Variants in ENPEP observed in about 807,000 individuals in gnomAD.
ENPEP encodes the protein AP-A.
In ENPEP, 103 loss-of-function variants were observed where a neutral mutation model predicts 114.5. That is an observed-to-expected ratio of 0.90 (90% confidence interval 0.77 to 1.06). The LOEUF (loss-of-function observed/expected upper bound fraction) is 1.06. Ranked by LOEUF, ENPEP falls within the 50% of genes least tolerant of loss-of-function variation. The probability of loss-of-function intolerance (pLI) is 0.00; values close to 1 mark genes in which losing one functional copy is unlikely to be tolerated. For synonymous variants in ENPEP, 420 were observed against 422.0 expected, an observed-to-expected ratio of 1.00 and a Z score of 0.06; for missense variants, 1,196 against 1,161.3, an observed-to-expected ratio of 1.03 and a Z score of -0.43.
rs959146743 is a variant in ENPEP, at chr4:110,516,421, A to G, written c.1509+979A>G. On this transcript the variant is annotated intron_variant, in intron 8 of 19. Transcript: ENST00000265162. Reference sequence around the variant, plus strand: ...CGTCTCTGCAGGTTGGCCCCATTCCAGCCTAGAAATGAAGTTCTCTTCCTA... The same window carrying G: ...CGTCTCTGCAGGTTGGCCCCATTCCGGCCTAGAAATGAAGTTCTCTTCCTA... Among the ~76,000 whole-genome samples the G allele has an allele frequency of 8.5e-5, 13 of 152,234 alleles. No individual in the cohort carries two copies. In the East Asian group the frequency reaches 2.3e-3, roughly 27 times the overall value.
intron 3 of ENPEP, 64 bp from the exon 4 acceptor site, chr4:110,506,573 C>G: frequency 6.6e-7 from 1 of 1,517,834 alleles, no homozygotes; most frequent in East Asian, 2.4e-5. Context: ...TTATGCATCA[C>G]AGTTTTTGTA....
At position 110,543,024 on chromosome 4, in the gene ENPEP, T is replaced by C; in HGVS notation, c.1954T>C (p.Ser652Pro). ...TTCTCCCTCTTCCCAGACATTTTCTTCAGCAGATCGTGCAAGTCTTATTGA... is the reference window on the plus strand; with the variant it reads ...TTCTCCCTCTTCCCAGACATTTTCTCCAGCAGATCGTGCAAGTCTTATTGA... Reference protein sequence around the residue: ...ALSLNHKTFSSADRASLIDDA... With the variant: ...ALSLNHKTFSPADRASLIDDA... The change falls in exon 13 of 20, where the codon TCA becomes CCA. Residue 652 changes from serine to proline, a missense_variant. Ser to Pro is a moderately conservative substitution (Grantham distance 74, BLOSUM62 -1). Coordinates refer to ENST00000265162, the MANE Select transcript of ENPEP (RefSeq NM_001977.4). 1 of 1,613,208 alleles carries C rather than the reference T, an allele frequency of 6.2e-7. No homozygotes were observed. The highest frequency in any genetic ancestry group is 8.5e-7 in the Non-Finnish European group (1 of 1,179,354).
intron 11 of ENPEP, among the ~76,000 whole-genome samples, chr4:110,540,701 G>A (rs1560567474): frequency 6.6e-6 from 1 of 152,102 alleles, no homozygotes; most frequent in Non-Finnish European, 1.5e-5. Flanking sequence ...GTATTTAGAT[G>A]GATTGCCAGG....
chr4:110,515,335 T>C (rs560750527), intron 7 of ENPEP, 42 bp from the exon 8 acceptor site: 2 of 1,499,934 alleles, frequency 1.3e-6, no homozygotes, highest in South Asian at 2.3e-5. Flanking sequence ...GTTCCTTACA[T>C]AGCCTTTATT....
At chr4:110,499,570 GAT>G (rs1169972926) in intron 3 of ENPEP, among the ~76,000 whole-genome samples, 2 of 152,126 alleles carry the variant, frequency 1.3e-5, no homozygotes, top group African/African-American at 4.8e-5. Context: ...GAAATTTTCA[GAT>G]TTGTGAAAGG....
intron 8 of ENPEP, chr4:110,515,859 T>C (rs1485650300): frequency 2.2e-6 from 1 of 455,354 alleles, no homozygotes; most frequent in South Asian, 1.6e-5. Context: ...TTGCAGATGG[T>C]AGACTTCCCA....
At chr4:110,511,670 C>A (rs1407154472) in intron 6 of ENPEP, among the ~76,000 whole-genome samples, 1 of 152,084 alleles carries the variant, frequency 6.6e-6, no homozygotes, top group Non-Finnish European at 1.5e-5. Flanking sequence ...TGGCTAAATT[C>A]CAGAAGAATT....
At position 110,480,201 on chromosome 4, in the gene ENPEP, T is replaced by C. The variant is rs1394215152; in HGVS notation, c.644+3143T>C. Among the ~76,000 whole-genome samples, 7 of 152,378 alleles carry C rather than the reference T, an allele frequency of 4.6e-5. No individual in the cohort carries two copies. The East Asian group carries it at 7.7e-4, about 17-fold the overall frequency. On this transcript the variant is annotated intron_variant, in intron 1 of 19. Transcript: ENST00000265162. ...ACAAAAGATGCTGCCAGTTCTGTAC[T>C]GCACACACATGGTTTTGGAACAGAT...
Position 110,509,714 on chromosome 4 carries a change from C to A in ENPEP, c.1101C>A (p.Tyr367Ter). The A allele has an allele frequency of 6.2e-7, 1 of 1,614,194 alleles. No individual in the cohort carries two copies. The highest frequency in any genetic ancestry group is 8.5e-7 in the Non-Finnish European group (1 of 1,180,026). The change falls in exon 5 of 20, where the codon TAC (tyrosine) becomes TAA (stop). Residue 367 changes from tyrosine to a stop codon, truncating the protein, a stop_gained. Transcript: ENST00000265162. LOFTEE classifies it high-confidence loss of function. Reference sequence around the variant, plus strand: ...TGGAGAACTGGGGACTCATCACGTACAGAGAAACGAACCTGCTTTATGACC... The same window carrying A: ...TGGAGAACTGGGGACTCATCACGTAAAGAGAAACGAACCTGCTTTATGACC... ...GAMENWGLIT[Y>*]RETNLLYDPK...
intron 10 of ENPEP, among the ~76,000 whole-genome samples, chr4:110,524,607 A>G (rs780107722): frequency 2.4e-4 from 37 of 152,194 alleles, no homozygotes; most frequent in Non-Finnish European, 5.0e-4. Context: ...TAGTGTATCA[A>G]ATTTCTTGCA....
chr4:110,535,908 G>T (rs1186217492), intron 11 of ENPEP, among the ~76,000 whole-genome samples: 1 of 152,114 alleles, frequency 6.6e-6, no homozygotes, highest in Non-Finnish European at 1.5e-5. Context: ...ACTGGCTGAA[G>T]GCTCAGATGA....
intron 6 of ENPEP, 139 bp downstream of exon 6, chr4:110,510,497 G>A (rs1333586265): frequency 2.9e-6 from 2 of 697,606 alleles, no homozygotes; most frequent in African/African-American, 3.6e-5. Flanking sequence ...GGATAGGGTG[G>A]AGCCAGCTGA....
chr4:110,560,145 G>A (rs1392311039), intron 19 of ENPEP, among the ~76,000 whole-genome samples: 2 of 152,124 alleles, frequency 1.3e-5, no homozygotes, highest in Non-Finnish European at 2.9e-5. Flanking sequence ...TGGCTGCCTA[G>A]TATTCCATGG....
chr4:110,505,832 A>C (rs1560556976), intron 3 of ENPEP, among the ~76,000 whole-genome samples: 2 of 152,214 alleles, frequency 1.3e-5, no homozygotes, highest in Admixed American at 6.5e-5. Flanking sequence ...AACACCTGTA[A>C]TATTCTTTTC....
At chr4:110,528,004 G>A (rs568894868) in intron 10 of ENPEP, among the ~76,000 whole-genome samples, 1 of 152,086 alleles carries the variant, frequency 6.6e-6, no homozygotes, top group East Asian at 1.9e-4. Flanking sequence ...TATCATCACG[G>A]TATAAAATCA....
chr4:110,491,566 C>T (rs907988128), intron 3 of ENPEP, among the ~76,000 whole-genome samples: 7 of 152,142 alleles, frequency 4.6e-5, no homozygotes, highest in South Asian at 2.1e-4. Context: ...CTTCGAATGA[C>T]AAGGCACTGA....
intron 14 of ENPEP, 108 bp downstream of exon 14, chr4:110,548,434 C>T (rs1303016244): frequency 9.9e-6 from 9 of 912,666 alleles, no homozygotes; most frequent in Non-Finnish European, 1.4e-5. Flanking sequence ...TGTTTGCTTG[C>T]CAGGTGGAAT....
intron 8 of ENPEP, 69 bp from the exon 9 acceptor site, chr4:110,519,939 G>C: frequency 1.4e-6 from 2 of 1,431,372 alleles, no homozygotes; most frequent in Non-Finnish European, 2.0e-6. Context: ...CAGGGGTTCA[G>C]TTCATCTTGT....
intron 18 of ENPEP, among the ~76,000 whole-genome samples, chr4:110,554,510 C>A (rs1727402059): frequency 6.6e-6 from 1 of 151,808 alleles, no homozygotes; most frequent in Admixed American, 6.6e-5. Context: ...ACTGTTCACC[C>A]ATCTCTATGA....
Sources: gnomAD v4.1 joint callset for allele counts (sites outside exome capture counted in the v4.1 genomes callset) on GRCh38, gnomAD v4.1.1 for gene constraint, MANE v1.5 for transcripts, NCBI Gene and HGNC (gene_info 2026-07-23, HGNC 2026-07-21) for gene names.